RBFOX1: variants seen among roughly 807,000 people sequenced by gnomAD.
The protein encoded by RBFOX1 is RNA binding fox-1 homolog 1, also known as RNA binding protein fox-1 homolog 1.
A neutral mutation model predicts 57.7 loss-of-function variants in RBFOX1; 8 were observed. The ratio of observed to expected loss-of-function variants is 0.14; its 90% CI spans 0.08 to 0.25. The LOEUF is 0.25. Ranked by LOEUF, RBFOX1 falls within the 10% of genes least tolerant of loss-of-function variation. The pLI, the probability that RBFOX1 is intolerant of heterozygous loss-of-function variation, is 1.00. For synonymous variants in RBFOX1, 326 were observed against 222.4 expected, an observed-to-expected ratio of 1.47 and a Z score of -4.15; for missense variants, 611 against 548.5, an observed-to-expected ratio of 1.11 and a Z score of -1.14.
intron 2 of RBFOX1, among the ~76,000 whole-genome samples, chr16:6,597,100 G>C (rs1017602715): frequency 5.9e-5 from 9 of 152,098 alleles, no homozygotes; most frequent in Admixed American, 3.9e-4. Context: ...GCTGTGTTCT[G>C]TTCTTTTTCT....
At chr16:7,220,301 T>G (rs1270696889) in intron 4 of RBFOX1, among the ~76,000 whole-genome samples, 1 of 152,200 alleles carries the variant, frequency 6.6e-6, no homozygotes, top group East Asian at 1.9e-4. Flanking sequence ...CTCTGACATT[T>G]CATCATGCTG....
intron 1 of RBFOX1, among the ~76,000 whole-genome samples, chr16:6,239,791 C>G (rs1253921956): frequency 3.3e-5 from 5 of 152,264 alleles, no homozygotes; most frequent in Non-Finnish European, 5.9e-5. Context: ...GCCACCATGC[C>G]CAGCCTCCAC....
chr16:6,976,039 A>G (rs79889739), intron 3 of RBFOX1, among the ~76,000 whole-genome samples: 8,309 of 152,172 alleles, frequency 0.055, 252 homozygotes, highest in African/African-American at 0.071. Context: ...AGGGAAGTGA[A>G]TTGCTTGAAC....
At chr16:6,212,759 G>T (rs890819468) in intron 1 of RBFOX1, among the ~76,000 whole-genome samples, 2 of 151,894 alleles carry the variant, frequency 1.3e-5, no homozygotes, top group African/African-American at 4.8e-5. Flanking sequence ...TGATAATGGA[G>T]TAATCTGCGT....
At chr16:5,763,317 C>T (rs1445295574) in intron 3 of RBFOX1, among the ~76,000 whole-genome samples, 1 of 152,212 alleles carries the variant, frequency 6.6e-6, no homozygotes, top group Non-Finnish European at 1.5e-5. Flanking sequence ...CAAGAGCGCT[C>T]CTTTGTTCAT....
intron 4 of RBFOX1, among the ~76,000 whole-genome samples, chr16:7,406,309 A>G (rs2098339279): frequency 6.6e-6 from 1 of 152,202 alleles, no homozygotes; most frequent in Non-Finnish European, 1.5e-5. Context: ...TAATCCTTAC[A>G]GAAATAATGT....
chr16:6,179,513 C>A (rs2097045421), intron 1 of RBFOX1, among the ~76,000 whole-genome samples: 1 of 152,098 alleles, frequency 6.6e-6, no homozygotes, highest in African/African-American at 2.4e-5. Flanking sequence ...GTAGCATCAC[C>A]CTCATCTCAC....
At chr16:7,081,951 T>A (rs1225015612) in intron 4 of RBFOX1, among the ~76,000 whole-genome samples, 2 of 152,130 alleles carry the variant, frequency 1.3e-5, no homozygotes, top group Non-Finnish European at 2.9e-5. Flanking sequence ...AGGAGAAGAA[T>A]CTGTGCTTGC....
intron 2 of RBFOX1, among the ~76,000 whole-genome samples, chr16:6,484,513 T>C (rs745359071): frequency 6.6e-5 from 10 of 152,182 alleles, no homozygotes; most frequent in Non-Finnish European, 1.2e-4. Context: ...AAATGTGCCT[T>C]GCCTTCTCAA....
At chr16:5,388,193 A>C (rs939243305) in intron 1 of RBFOX1, among the ~76,000 whole-genome samples, 1 of 152,212 alleles carries the variant, frequency 6.6e-6, no homozygotes, top group African/African-American at 2.4e-5. Context: ...TGACAGCAGT[A>C]GCAGGAAACC....
intron 2 of RBFOX1, among the ~76,000 whole-genome samples, chr16:6,563,212 G>A (rs891837309): frequency 1.3e-5 from 2 of 152,112 alleles, no homozygotes; most frequent in Non-Finnish European, 1.5e-5. Context: ...ATGGCACTGC[G>A]TGACTTCCAA....
At chr16:6,002,367 G>A (rs1283217441) in intron 4 of RBFOX1, among the ~76,000 whole-genome samples, 1 of 152,216 alleles carries the variant, frequency 6.6e-6, no homozygotes, top group African/African-American at 2.4e-5. Context: ...AGAGGAAATA[G>A]AGTTTTGACA....
intron 4 of RBFOX1, among the ~76,000 whole-genome samples, chr16:7,310,147 C>T (rs1014008707): frequency 3.9e-5 from 6 of 152,198 alleles, no homozygotes; most frequent in Non-Finnish European, 7.3e-5. Context: ...TTTAACCATG[C>T]TGAATACAGG....
chr16:7,343,680 G>T (rs1252354737), intron 4 of RBFOX1, among the ~76,000 whole-genome samples: 3 of 152,114 alleles, frequency 2.0e-5, no homozygotes, highest in African/African-American at 7.2e-5. Context: ...ATATCTTAGG[G>T]AGGAAAAAAC....
chr16:6,613,120 C>T (rs923268891), intron 2 of RBFOX1, among the ~76,000 whole-genome samples: 9 of 151,828 alleles, frequency 5.9e-5, no homozygotes, highest in African/African-American at 1.9e-4. Context: ...AATACTTTTG[C>T]ACTCGCGGTG....
At chr16:7,698,802 C>T (rs537815847) in intron 14 of RBFOX1, among the ~76,000 whole-genome samples, 1 of 152,138 alleles carries the variant, frequency 6.6e-6, no homozygotes, top group Non-Finnish European at 1.5e-5. Flanking sequence ...AGGAAACATA[C>T]TCCCACTTAT....
At chr16:5,911,334 A>G (rs574196442) in intron 4 of RBFOX1, among the ~76,000 whole-genome samples, 57 of 152,176 alleles carry the variant, frequency 3.7e-4, no homozygotes, top group Non-Finnish European at 6.9e-4. Flanking sequence ...CTTGTGGAAG[A>G]TCCGAAGCTC....
chr16:6,253,742 C>G (rs1466240815), intron 1 of RBFOX1, among the ~76,000 whole-genome samples: 1 of 149,784 alleles, frequency 6.7e-6, no homozygotes, highest in Non-Finnish European at 1.5e-5. Context: ...ATACCTGTAT[C>G]CATATCTATA....
At chr16:7,243,548 G>A (rs1306202413) in intron 4 of RBFOX1, among the ~76,000 whole-genome samples, 1 of 152,086 alleles carries the variant, frequency 6.6e-6, no homozygotes, top group Non-Finnish European at 1.5e-5. Flanking sequence ...TTTATTAGTA[G>A]TAGTATTAAT....
Sources: gnomAD v4.1 joint callset for allele counts (sites outside exome capture counted in the v4.1 genomes callset) on GRCh38, gnomAD v4.1.1 for gene constraint, MANE v1.5 for transcripts, NCBI Gene and HGNC (gene_info 2026-07-23, HGNC 2026-07-21) for gene names.